Variants in DPP10 observed in about 807,000 individuals in gnomAD.
DPP10 encodes dipeptidyl peptidase like 10.
DPP10 carries 33 observed loss-of-function variants against 120.9 expected under a neutral mutation model. The ratio of observed to expected loss-of-function variants is 0.27; its 90% confidence interval spans 0.21 to 0.37. The LOEUF is 0.37. Ranked by LOEUF, DPP10 falls within the 10% of genes least tolerant of loss-of-function variation. DPP10 has a pLI of 1.00. For missense variants in DPP10, 816 were observed against 942.8 expected (o/e 0.87, Z 1.76); for synonymous variants, 337 against 326.1 (o/e 1.03, Z -0.36).
intron 1 of DPP10, among the ~76,000 whole-genome samples, chr2:115,296,397 C>G (rs1184988434): frequency 6.6e-6 from 1 of 152,048 alleles, no homozygotes; most frequent in Admixed American, 6.6e-5. Context: ...ATTTTCTTAA[C>G]CTATGTTTGG....
intron 1 of DPP10, among the ~76,000 whole-genome samples, chr2:114,817,738 A>G (rs1000837853): frequency 2.6e-5 from 4 of 152,194 alleles, no homozygotes; most frequent in African/African-American, 7.2e-5. Context: ...CAAAAGAAAC[A>G]TAACAGGCAC....
intron 1 of DPP10, among the ~76,000 whole-genome samples, chr2:115,266,423 T>G (rs2059465021): frequency 7.1e-6 from 1 of 141,494 alleles, no homozygotes; most frequent in Non-Finnish European, 1.6e-5. Context: ...CTACCATGTG[T>G]TTTCTGGGGC....
At chr2:115,594,904 T>A (rs2082897146) in intron 5 of DPP10, among the ~76,000 whole-genome samples, 1 of 152,124 alleles carries the variant, frequency 6.6e-6, no homozygotes. Context: ...CCCATACTAT[T>A]TTGGAACACA....
At chr2:115,798,176 T>C (rs1684756081) in intron 19 of DPP10, among the ~76,000 whole-genome samples, 1 of 151,944 alleles carries the variant, frequency 6.6e-6, no homozygotes, top group African/African-American at 2.4e-5. Flanking sequence ...TTATAAGAAA[T>C]ATTGAACTTC....
At chr2:115,696,817 A>C (rs576828406) in intron 7 of DPP10, among the ~76,000 whole-genome samples, 1 of 130,950 alleles carries the variant, frequency 7.6e-6, no homozygotes, top group South Asian at 2.6e-4. Context: ...ATATTATTTT[A>C]ACTTTAATTT....
intron 1 of DPP10, among the ~76,000 whole-genome samples, chr2:114,455,337 G>T (rs963349802): frequency 2.6e-5 from 4 of 152,232 alleles, no homozygotes; most frequent in Middle Eastern, 6.8e-3. Flanking sequence ...CTGATGTCAG[G>T]AGTTCCAGAC....
In DPP10 at chr2:115,334,235, T is replaced by G. The variant is rs557374949; in HGVS notation, c.176-9582T>G. 9.8e-5 allele frequency among the ~76,000 whole-genome samples: 13 copies of G among 133,236 alleles called. 1 individual carries two copies. In the East Asian group the frequency reaches 1.9e-3, roughly 20 times the overall value. The allele number at this position is 133,236 out of a possible 152,430, so 87.4% of individuals were successfully genotyped here. ...AATGGACCAGAGCAGACTCTGTTTT[T>G]TTTTTTTTTTTAAGAAACCTAGCTA... On this transcript the variant is annotated intron_variant, in intron 2 of 25. Transcript: ENST00000410059.
At chr2:115,071,781 G>C (rs1243719137) in intron 1 of DPP10, among the ~76,000 whole-genome samples, 1 of 152,082 alleles carries the variant, frequency 6.6e-6, no homozygotes, top group Non-Finnish European at 1.5e-5. Flanking sequence ...TGTTCACAAT[G>C]CCTGATCACC....
At chr2:115,364,170 C>T (rs368184363) in intron 3 of DPP10, among the ~76,000 whole-genome samples, 1 of 151,822 alleles carries the variant, frequency 6.6e-6, no homozygotes, top group Non-Finnish European at 1.5e-5. Context: ...TTGTTTTGGC[C>T]AACTTTTTTC....
chr2:115,596,927 A>G (rs1186842696), intron 5 of DPP10, among the ~76,000 whole-genome samples: 1 of 152,184 alleles, frequency 6.6e-6, no homozygotes, highest in Non-Finnish European at 1.5e-5. Flanking sequence ...AGAAAGTTGT[A>G]TTTTGGCTAT....
At chr2:114,809,581 G>GA (rs1347769169) in intron 1 of DPP10, among the ~76,000 whole-genome samples, 1 of 152,154 alleles carries the variant, frequency 6.6e-6, no homozygotes, top group African/African-American at 2.4e-5. Flanking sequence ...ACAATCGTGT[G>GA]AAAGGGTCAG....
At chr2:114,955,998 A>G (rs916546284) in intron 1 of DPP10, among the ~76,000 whole-genome samples, 3 of 152,172 alleles carry the variant, frequency 2.0e-5, no homozygotes, top group Non-Finnish European at 1.5e-5. Context: ...ATCAAACTAA[A>G]TGGTAAAAAG....
intron 1 of DPP10, among the ~76,000 whole-genome samples, chr2:114,590,529 C>T (rs977950560): frequency 7.9e-5 from 12 of 152,296 alleles, no homozygotes; most frequent in Middle Eastern, 6.8e-3. Context: ...TTAACATTTT[C>T]TCAATCACTT....
At chr2:114,461,486 C>T (rs1047854502) in intron 1 of DPP10, 4 of 736,826 alleles carry the variant, frequency 5.4e-6, no homozygotes, top group Non-Finnish European at 3.3e-6. Flanking sequence ...ATTTGATTAC[C>T]TGTCTCCCTC....
At chr2:114,827,343 C>G (rs1422337151) in intron 1 of DPP10, among the ~76,000 whole-genome samples, 3 of 151,912 alleles carry the variant, frequency 2.0e-5, no homozygotes, top group Non-Finnish European at 2.9e-5. Flanking sequence ...GTCAATGTTC[C>G]AATTATTGAA....
chr2:114,689,175 A>G (rs1305355227), intron 1 of DPP10, among the ~76,000 whole-genome samples: 1 of 151,548 alleles, frequency 6.6e-6, no homozygotes, highest in African/African-American at 2.4e-5. Context: ...AAATCATCCC[A>G]TCACCTAGGT....
chr2:115,289,949 T>C (rs1437177807), intron 1 of DPP10, among the ~76,000 whole-genome samples: 1 of 152,144 alleles, frequency 6.6e-6, no homozygotes, highest in African/African-American at 2.4e-5. Context: ...AAAGAATTTA[T>C]GCCTGAGACC....
Position 115,799,987 on chromosome 2 carries a change from C to G in DPP10, c.1700+8631C>G, listed in dbSNP as rs1449648233. Among the ~76,000 whole-genome samples, 26 of 139,368 alleles carry G rather than the reference C, an allele frequency of 1.9e-4. 1 individual carries two copies. Among genetic ancestry groups the G allele is most frequent in the Admixed American group, 1.7e-3 (24 of 13,928 alleles). The allele number at this position is 139,368 out of a possible 152,430, so 91.4% of individuals were successfully genotyped here. ...GCTGGGTCAAATGGTATTTCTAGTT[C>G]TAGATCCCTGAGGAATCGCCACACC... is the stretch of plus-strand genomic sequence containing the variant. On this transcript the variant is annotated intron_variant, in intron 19 of 25. Coordinates refer to ENST00000410059, the MANE Select transcript of DPP10 (RefSeq NM_020868.6).
intron 5 of DPP10, among the ~76,000 whole-genome samples, chr2:115,623,199 G>A (rs1268360284): frequency 6.6e-6 from 1 of 151,872 alleles, no homozygotes; most frequent in Non-Finnish European, 1.5e-5. Context: ...TGGCAGAGTT[G>A]AACCACAGAG....
Sources: gnomAD v4.1 joint callset for allele counts (sites outside exome capture counted in the v4.1 genomes callset) on GRCh38, gnomAD v4.1.1 for gene constraint, MANE v1.5 for transcripts, NCBI Gene and HGNC (gene_info 2026-07-23, HGNC 2026-07-21) for gene names.